DHRS9: variants seen among roughly 807,000 people sequenced by gnomAD.
The protein encoded by DHRS9 is dehydrogenase/reductase SDR family member 9.
DHRS9 carries 18 observed loss-of-function variants against 26.6 expected under a neutral mutation model. That is an observed-to-expected ratio of 0.68 (90% confidence interval 0.47 to 1.00). The LOEUF is 1.00. DHRS9 is among the 50% of genes least tolerant of loss of function. The probability of loss-of-function intolerance (pLI) is 0.00; values close to 1 mark genes in which losing one functional copy is unlikely to be tolerated. For missense variants in DHRS9, 425 were observed against 378.7 expected (o/e 1.12, Z -1.01); for synonymous variants, 134 against 141.1 (o/e 0.95, Z 0.36).
chr2:169,074,508 G>A (rs1574020531), intron 1 of DHRS9: 26 of 940,890 alleles, frequency 2.8e-5, no homozygotes, highest in Non-Finnish European at 3.0e-5. Flanking sequence ...CCAAGGGGCC[G>A]TGCAGAGGTA....
intron 3 of DHRS9, among the ~76,000 whole-genome samples, chr2:169,086,650 T>C (rs772087577): frequency 2.0e-5 from 3 of 152,156 alleles, no homozygotes; most frequent in Non-Finnish European, 2.9e-5. Flanking sequence ...TTTCCAGGTA[T>C]TTGAAGGGAC....
chr2:169,092,271 G>A (rs879332237), intron 4 of DHRS9, among the ~76,000 whole-genome samples: 2 of 152,190 alleles, frequency 1.3e-5, no homozygotes, highest in African/African-American at 2.4e-5. Context: ...ACACCTCCTA[G>A]TCATGCCTGG....
At chr2:169,067,155 A>T, upstream of DHRS9, 2 of 1,535,566 alleles carry the variant, frequency 1.3e-6, no homozygotes, top group Non-Finnish European at 1.7e-6. Flanking sequence ...TTATGCCAGA[A>T]GGAAGAAGCC....
intron 4 of DHRS9, among the ~76,000 whole-genome samples, chr2:169,093,671 G>A (rs1222014956): frequency 6.6e-6 from 1 of 152,114 alleles, no homozygotes; most frequent in African/African-American, 2.4e-5. Flanking sequence ...CATGTGTTCT[G>A]TCTCAGAAAT....
At position 169,095,720 on chromosome 2, in the gene DHRS9, T is replaced by G. The variant is rs1684676900; in HGVS notation, c.913T>G (p.Leu305Val). The G allele has an allele frequency of 6.2e-7, 1 of 1,613,818 alleles. No individual in the cohort carries two copies. The highest frequency in any genetic ancestry group is 1.3e-5 in the African/African-American group (1 of 74,906). The change falls in exon 5 of 5, where the codon TTA becomes GTA. Residue 305 changes from leucine (L) to valine (V), a missense_variant. Physicochemically the swap from Leu to Val is conservative, Grantham distance 32 (BLOSUM62 1). Coordinates refer to ENST00000674881, the MANE Select transcript of DHRS9 (RefSeq NM_001376924.1). ...SHMPAALQDF[L>V]LLKQKAELAN... The stretch of plus-strand genomic sequence containing the variant: ...CATGCCAGCAGCTTTGCAAGACTTT[T>G]TATTGTTGAAACAGAAAGCAGAGCT...
intron 3 of DHRS9, among the ~76,000 whole-genome samples, chr2:169,084,271 A>G (rs1030309141): frequency 5.9e-5 from 9 of 152,150 alleles, no homozygotes; most frequent in African/African-American, 2.2e-4. Flanking sequence ...TCCAAATTTT[A>G]GCTGTTGTGA....
At chr2:169,078,840 T>TTTTTTTTTTTTTTTTTTTG in intron 1 of DHRS9, among the ~76,000 whole-genome samples, 18 of 137,344 alleles carry the variant, frequency 1.3e-4, no homozygotes, top group African/African-American at 5.3e-4. Flanking sequence ...TTTTTTTTTT[T>TTTTTTTTTTTTTTTTTTTG]TGTGACAGAG....
Position 169,095,964 on chromosome 2 carries a change from T to C in DHRS9, c.*197T>C. On this transcript the variant is annotated 3_prime_UTR_variant, in exon 5 of 5. Transcript: ENST00000674881. Reference sequence around the variant, plus strand: ...TCAAGTTTTCTTTGAAAAGGAGGGCTGGAATGGTACATCACATAGGCAAGT... The same window carrying C: ...TCAAGTTTTCTTTGAAAAGGAGGGCCGGAATGGTACATCACATAGGCAAGT... 5.0e-6 allele frequency: 3 copies of C among 603,092 alleles called. No homozygotes were observed. Among genetic ancestry groups the C allele is most frequent in the Non-Finnish European group, 8.8e-6 (3 of 339,932 alleles). The allele number at this position is 603,092 out of a possible 1,614,324, so 37.4% of individuals were successfully genotyped here.
At chr2:169,083,966 AC>A (rs1213763220) in intron 3 of DHRS9, among the ~76,000 whole-genome samples, 3 of 151,038 alleles carry the variant, frequency 2.0e-5, no homozygotes, top group African/African-American at 4.9e-5. Flanking sequence ...ATATTTCTGT[AC>A]CCCCTAACCA....
rs11889286 is a variant in DHRS9 at position 169,069,576 on chromosome 2, C to T, written c.-201C>T. 4,029 of 985,380 alleles carry T rather than the reference C, an allele frequency of 4.1e-3. 126 individuals are homozygous for T. The African/African-American group carries it at 0.064, about 16-fold the overall frequency. 61.0% of individuals were successfully genotyped at this position (985,380 alleles called of 1,614,324 possible). On this transcript the variant is annotated 5_prime_UTR_variant, in exon 1 of 5. In the 5' UTR this introduces an upstream ATG that the reference lacks. Transcript: ENST00000674881. The stretch of plus-strand genomic sequence containing the variant: ...CACACATGTAGTACTCAGAGCTCTA[C>T]GGAAACCCAGGCACCTCGACCTCAA...
chr2:169,081,085 A>T, intron 1 of DHRS9: 1 of 968,674 alleles, frequency 1.0e-6, no homozygotes, highest in Non-Finnish European at 1.2e-6. Flanking sequence ...AGAACAATTA[A>T]AATTGAATTA....
chr2:169,069,431 T>G (rs1488472696), upstream of DHRS9: 3 of 985,360 alleles, frequency 3.0e-6, no homozygotes, highest in Middle Eastern at 5.2e-4. Flanking sequence ...TGCTGATTCC[T>G]TTTGAAACAT....
intron 1 of DHRS9, among the ~76,000 whole-genome samples, chr2:169,073,667 TG>T (rs1202614049): frequency 2.6e-5 from 4 of 152,186 alleles, no homozygotes; most frequent in African/African-American, 9.7e-5. Context: ...CTTATCCTCC[TG>T]ATGACAAAAA....
chr2:169,094,784 T>C (rs1684642719), intron 4 of DHRS9, among the ~76,000 whole-genome samples: 1 of 152,154 alleles, frequency 6.6e-6, no homozygotes, highest in African/African-American at 2.4e-5. Flanking sequence ...CTTCTTCATG[T>C]GGATATACTG....
At position 169,095,810 on chromosome 2, in the gene DHRS9, CG is replaced by C. The variant is rs748381392; in HGVS notation, c.*44del. ...GTCTCCTCCAGGCTATGAAATTGGC[CG>C]ATTTCAAGAACACATCTCCTTTTCA... On this transcript the variant is annotated 3_prime_UTR_variant, in exon 5 of 5. Coordinates refer to ENST00000674881, the MANE Select transcript of DHRS9 (RefSeq NM_001376924.1). The C allele has an allele frequency of 6.4e-7, 1 of 1,557,940 alleles. No individual in the cohort carries two copies. The highest frequency in any genetic ancestry group is 1.1e-5 in the South Asian group (1 of 89,540).
chr2:169,095,408 A>G (rs1684661586), intron 4 of DHRS9, 136 bp from the exon 5 acceptor site: 1 of 729,690 alleles, frequency 1.4e-6, no homozygotes, highest in Admixed American at 2.3e-5. Context: ...TAGATAGTAA[A>G]TCCTCAAAAT....
At chr2:169,084,098 T>C (rs1172951835) in intron 3 of DHRS9, among the ~76,000 whole-genome samples, 3 of 152,226 alleles carry the variant, frequency 2.0e-5, no homozygotes. Context: ...AACTTCGTTT[T>C]TCTGTGCCTG....
intron 1 of DHRS9, among the ~76,000 whole-genome samples, chr2:169,079,985 GAAAGAAAGAAAGAAAGAA>G (rs554308901): frequency 3.9e-5 from 2 of 51,060 alleles, no homozygotes; most frequent in African/African-American, 7.7e-5. Flanking sequence ...GAGAGAGAGA[GAAAGAAAGAAAGAAAGAA>G]AGAAAGAAAG....
At chr2:169,068,743 G>C (rs942106784), upstream of DHRS9, among the ~76,000 whole-genome samples, 1 of 152,304 alleles carries the variant, frequency 6.6e-6, no homozygotes, top group Non-Finnish European at 1.5e-5. Flanking sequence ...TACAGAGTCT[G>C]GGAAATCAGA....
Sources: gnomAD v4.1 joint callset for allele counts (sites outside exome capture counted in the v4.1 genomes callset) on GRCh38, gnomAD v4.1.1 for gene constraint, MANE v1.5 for transcripts, NCBI Gene and HGNC (gene_info 2026-07-23, HGNC 2026-07-21) for gene names.